NCKAP5: variants seen among roughly 807,000 people sequenced by gnomAD.
NCKAP5 encodes NCK associated protein 5, also known as nck-associated protein 5.
NCKAP5 carries 92 observed loss-of-function variants against 167.0 expected under a neutral mutation model. The ratio of observed to expected loss-of-function variants is 0.55; its 90% CI spans 0.47 to 0.66. The LOEUF (loss-of-function observed/expected upper bound fraction) is 0.66, where lower values mean the gene tolerates loss of function less well. Among genes scored for constraint, NCKAP5 ranks in the 30% least tolerant of loss-of-function variants. The probability of loss-of-function intolerance (pLI) is 0.00; values close to 1 mark genes in which losing one functional copy is unlikely to be tolerated. For missense variants in NCKAP5, 2,378 were observed against 2,315.0 expected (o/e 1.03, Z -0.56); for synonymous variants, 891 against 877.4 (o/e 1.02, Z -0.27).
chr2:133,615,624 A>G, the NCKAP5 span, among the ~76,000 whole-genome samples: 131,768 of 151,986 alleles, frequency 0.87, 58,487 homozygotes, highest in Non-Finnish European at 0.98. Context: ...AGATGCACCC[A>G]ATACAGGAGC....
intron 5 of NCKAP5, among the ~76,000 whole-genome samples, chr2:133,183,564 C>A (rs576030246): frequency 8.7e-6 from 1 of 114,456 alleles, no homozygotes; most frequent in South Asian, 2.8e-4. Flanking sequence ...TGGAGGGGAA[C>A]TTCCTCAGTT....
At chr2:133,189,895 T>C (rs970817453) in intron 5 of NCKAP5, among the ~76,000 whole-genome samples, 1 of 152,100 alleles carries the variant, frequency 6.6e-6, no homozygotes, top group African/African-American at 2.4e-5. Flanking sequence ...ACCACTCCTA[T>C]TCAACACAGT....
At chr2:133,519,459 C>T (rs1333063651) in intron 2 of NCKAP5, among the ~76,000 whole-genome samples, 2 of 152,150 alleles carry the variant, frequency 1.3e-5, no homozygotes, top group Admixed American at 6.5e-5. Context: ...TTCAGCTGTT[C>T]CTGCCTACTT....
At chr2:132,932,987 C>CGG (rs1553483224) in intron 8 of NCKAP5, among the ~76,000 whole-genome samples, 2 of 137,266 alleles carry the variant, frequency 1.5e-5, no homozygotes, top group African/African-American at 2.8e-5. Context: ...TGCAGTGGAA[C>CGG]GATCTCGGCT....
chr2:133,432,019 C>T lies in NCKAP5; in HGVS notation c.69+85439G>A, dbSNP rs376732858. ...GACACATTCACCAAACACATGGATC[C>T]GATAAATACCAAATCATGGAATTGA... On this transcript the variant is annotated intron_variant, in intron 3 of 19. Transcript: ENST00000409261. Among the ~76,000 whole-genome samples, 324 of 152,206 alleles carry T rather than the reference C, an allele frequency of 2.1e-3. 3 individuals carry two copies. In the South Asian group the frequency reaches 0.028, roughly 13 times the overall value.
intron 16 of NCKAP5, among the ~76,000 whole-genome samples, chr2:132,736,004 G>C (rs1310756232): frequency 6.6e-6 from 1 of 152,100 alleles, no homozygotes; most frequent in Non-Finnish European, 1.5e-5. Flanking sequence ...CAGGACTTTT[G>C]GAATTCTTGA....
chr2:133,099,043 A>G (rs2081424892), intron 6 of NCKAP5, among the ~76,000 whole-genome samples: 1 of 152,184 alleles, frequency 6.6e-6, no homozygotes, highest in South Asian at 2.1e-4. Flanking sequence ...ACAGACATTC[A>G]TGGAAAATGA....
the NCKAP5 span, among the ~76,000 whole-genome samples, chr2:133,622,268 CT>C: frequency 6.6e-6 from 1 of 150,660 alleles, no homozygotes; most frequent in African/African-American, 2.5e-5. Flanking sequence ...CAACTTAGTA[CT>C]GGCAGTCCTA....
intron 2 of NCKAP5, among the ~76,000 whole-genome samples, chr2:133,527,826 A>G (rs573469433): frequency 2.0e-5 from 3 of 152,238 alleles, no homozygotes; most frequent in African/African-American, 7.2e-5. Flanking sequence ...GCACTTTGGG[A>G]GGTCAAGGTG....
intron 1 of NCKAP5, among the ~76,000 whole-genome samples, chr2:133,567,634 C>G (rs150378975): frequency 2.7e-5 from 4 of 149,552 alleles, no homozygotes; most frequent in African/African-American, 9.9e-5. Context: ...TTGATACATA[C>G]ACATTCCTGA....
chr2:133,131,942 T>C (rs1468999796), intron 5 of NCKAP5, among the ~76,000 whole-genome samples: 1 of 150,730 alleles, frequency 6.6e-6, no homozygotes, highest in East Asian at 2.0e-4. Flanking sequence ...ATTTGGAAGA[T>C]AGTGCTTCGA....
chr2:132,781,969 T>C lies in NCKAP5; in HGVS notation c.4842A>G (p.Lys1614=). Residue 1614 remains lysine (K), a synonymous_variant, in exon 14 of 20, where the codon AAA becomes AAG. Coordinates refer to ENST00000409261, the MANE Select transcript of NCKAP5 (RefSeq NM_207363.3). ...NRHSPVACST[K]DTFMTELLNR... ...TCAAGAGTTCCGTCATGAAGGTGTC[T>C]TTCGTTGAACATGCAACAGGGCTGT... 2 of 1,613,442 alleles carry C rather than the reference T, an allele frequency of 1.2e-6. No individual in the cohort carries two copies. The highest frequency in any genetic ancestry group is 1.7e-6 in the Non-Finnish European group (2 of 1,179,496).
rs570879457 is a variant in NCKAP5 at position 132,833,377 on chromosome 2, GTTTC to G, written c.807+27111_807+27114del. Reference sequence around the variant, plus strand: ...TGCAGAAGCTTTTTAGCTTTATATGGTTTCTTTGTCTATTTTTTGTTGTTGTTGC... The same window carrying G: ...TGCAGAAGCTTTTTAGCTTTATATGGTTTGTCTATTTTTTGTTGTTGTTGC... On this transcript the variant is annotated intron_variant, in intron 11 of 19. Transcript: ENST00000409261. Among the ~76,000 whole-genome samples the G allele has an allele frequency of 2.4e-3, 361 of 152,128 alleles. 1 individual carries two copies. The highest frequency in any genetic ancestry group is 4.3e-3 in the Non-Finnish European group (295 of 67,974).
intron 3 of NCKAP5, among the ~76,000 whole-genome samples, chr2:133,445,885 A>G (rs551481883): frequency 6.3e-4 from 96 of 152,312 alleles, no homozygotes; most frequent in African/African-American, 2.2e-3. Flanking sequence ...ATAATTCAAG[A>G]GATGGGTTGT....
the NCKAP5 span, among the ~76,000 whole-genome samples, chr2:133,617,407 T>C: frequency 8.1e-5 from 12 of 148,744 alleles, no homozygotes; most frequent in East Asian, 3.9e-4. Flanking sequence ...GAAAACCCCA[T>C]TGTCTCAGCC....
At chr2:133,406,285 GA>G (rs1431335965) in intron 3 of NCKAP5, among the ~76,000 whole-genome samples, 1 of 152,170 alleles carries the variant, frequency 6.6e-6, no homozygotes, top group African/African-American at 2.4e-5. Flanking sequence ...CTAACAGAAA[GA>G]ATCATTTTGA....
chr2:133,496,455 T>G (rs1233755983), intron 3 of NCKAP5, among the ~76,000 whole-genome samples: 2 of 152,186 alleles, frequency 1.3e-5, no homozygotes, highest in African/African-American at 2.4e-5. Context: ...TGCATGTAAC[T>G]TATATATTAT....
intron 3 of NCKAP5, among the ~76,000 whole-genome samples, chr2:133,472,399 A>C (rs1039108917): frequency 5.3e-5 from 8 of 152,052 alleles, no homozygotes; most frequent in Non-Finnish European, 1.0e-4. Context: ...GATGCTTTTC[A>C]TTTAATTATA....
chr2:133,507,211 ACGGCAGGCCT>A (rs1403395583), intron 3 of NCKAP5, among the ~76,000 whole-genome samples: 1 of 152,126 alleles, frequency 6.6e-6, no homozygotes, highest in African/African-American at 2.4e-5. Flanking sequence ...ATCTCCAAAA[ACGGCAGGCCT>A]CTGCAAACAG....
Sources: gnomAD v4.1 joint callset for allele counts (sites outside exome capture counted in the v4.1 genomes callset) on GRCh38, gnomAD v4.1.1 for gene constraint, MANE v1.5 for transcripts, NCBI Gene and HGNC (gene_info 2026-07-23, HGNC 2026-07-21) for gene names.